The following PEX5L variants were observed in gnomAD, a reference collection of about 807,000 sequenced individuals.
The protein encoded by PEX5L is peroxisomal biogenesis factor 5 like, also known as PEX5-related protein.
A neutral mutation model predicts 84.0 loss-of-function variants in PEX5L; 30 were observed. That is an observed-to-expected ratio of 0.36 (90% CI 0.27 to 0.48). The LOEUF (loss-of-function observed/expected upper bound fraction) is 0.48. PEX5L is among the 20% of genes least tolerant of loss of function. The probability of loss-of-function intolerance (pLI) is 0.99; values close to 1 mark genes in which losing one functional copy is unlikely to be tolerated. For missense variants in PEX5L, 533 were observed against 754.6 expected, an observed-to-expected ratio of 0.71 and a Z score of 3.44; for synonymous variants, 270 against 283.1, an observed-to-expected ratio of 0.95 and a Z score of 0.46.
At chr3:179,893,157 AC>A (rs1404271857) in intron 3 of PEX5L, among the ~76,000 whole-genome samples, 1 of 152,168 alleles carries the variant, frequency 6.6e-6, no homozygotes, top group Non-Finnish European at 1.5e-5. Context: ...ATTATGACTT[AC>A]TCAGACTGGC....
intron 2 of PEX5L, among the ~76,000 whole-genome samples, chr3:179,903,166 A>G (rs1157469501): frequency 1.3e-5 from 2 of 152,180 alleles, no homozygotes; most frequent in African/African-American, 4.8e-5. Context: ...TATATTGAAT[A>G]TATTTCTTTA....
At position 179,918,807 on chromosome 3, in the gene PEX5L, T is replaced by C. The variant is rs148900631; in HGVS notation, c.94-20561A>G. ...ATCTTGGGCAAGACAGCAAATACCA[T>C]GAATTTTCAATGGTATAAGTGCTAT... On this transcript the variant is annotated intron_variant, in intron 2 of 14. Transcript: ENST00000467460. Among the ~76,000 whole-genome samples the C allele has an allele frequency of 1.5e-3, 230 of 152,314 alleles. 1 individual carries two copies. The highest frequency in any genetic ancestry group is 5.4e-3 in the African/African-American group (223 of 41,570).
chr3:179,913,875 A>G (rs888714765), intron 2 of PEX5L, among the ~76,000 whole-genome samples: 4 of 152,140 alleles, frequency 2.6e-5, no homozygotes, highest in Non-Finnish European at 5.9e-5. Context: ...GAGTCTGTGA[A>G]TGTTAATTAT....
At chr3:180,032,519 T>C (rs1174612968) in intron 1 of PEX5L, among the ~76,000 whole-genome samples, 1 of 152,160 alleles carries the variant, frequency 6.6e-6, no homozygotes, top group Non-Finnish European at 1.5e-5. Flanking sequence ...TTGCTAGCAG[T>C]TAATGCCTTA....
intron 2 of PEX5L, among the ~76,000 whole-genome samples, chr3:179,959,975 TAG>T (rs535760638): frequency 7.5e-4 from 114 of 152,378 alleles, no homozygotes; most frequent in African/African-American, 2.6e-3. Flanking sequence ...CTCCAAGTAA[TAG>T]AGTCTCAGAT....
intron 2 of PEX5L, among the ~76,000 whole-genome samples, chr3:179,940,703 AC>A (rs1288649132): frequency 2.0e-5 from 3 of 152,230 alleles, no homozygotes; most frequent in Non-Finnish European, 4.4e-5. Flanking sequence ...TTAGAGCAAG[AC>A]GTAACTCCTT....
At chr3:179,938,707 G>A (rs4146789) in intron 2 of PEX5L, among the ~76,000 whole-genome samples, 49,714 of 152,116 alleles carry the variant, frequency 0.33, 8,297 homozygotes, top group African/African-American at 0.34. Context: ...GTGAATGTTG[G>A]CTATAACCTG....
chr3:179,807,511 G>T (rs375847178), intron 14 of PEX5L, among the ~76,000 whole-genome samples, 163 bp downstream of exon 14: 3 of 152,214 alleles, frequency 2.0e-5, no homozygotes, highest in African/African-American at 7.2e-5. Flanking sequence ...CAGGGTTCCT[G>T]CTCAAACAGG....
intron 7 of PEX5L, among the ~76,000 whole-genome samples, chr3:179,865,505 T>C (rs1349944467): frequency 6.6e-6 from 1 of 151,772 alleles, no homozygotes; most frequent in East Asian, 1.9e-4. Context: ...TTCCTTTCAA[T>C]GCAAACTTTT....
At chr3:180,011,324 G>A (rs553296083) in intron 1 of PEX5L, among the ~76,000 whole-genome samples, 18 of 152,242 alleles carry the variant, frequency 1.2e-4, no homozygotes, top group African/African-American at 4.3e-4. Flanking sequence ...AGTAAACGAC[G>A]ATTTAGCTAT....
intron 2 of PEX5L, among the ~76,000 whole-genome samples, chr3:179,901,710 G>A (rs1200952364): frequency 6.6e-6 from 1 of 152,144 alleles, no homozygotes; most frequent in African/African-American, 2.4e-5. Flanking sequence ...AAAATTATTT[G>A]ATATTTTTAT....
At chr3:179,874,733 T>G (rs200496053) in intron 6 of PEX5L, among the ~76,000 whole-genome samples, 42 of 51,534 alleles carry the variant, frequency 8.1e-4, no homozygotes, top group South Asian at 2.4e-3. Flanking sequence ...ATGGTTTTTT[T>G]TTTTGTTTTT....
intron 1 of PEX5L, among the ~76,000 whole-genome samples, chr3:180,021,028 C>G (rs1790377522): frequency 6.6e-6 from 1 of 152,172 alleles, no homozygotes; most frequent in East Asian, 1.9e-4. Context: ...GTAAGGGGAG[C>G]TGAGACAGAG....
intron 4 of PEX5L, among the ~76,000 whole-genome samples, chr3:179,885,365 G>C (rs533625243): frequency 1.3e-5 from 2 of 152,224 alleles, no homozygotes; most frequent in Non-Finnish European, 2.9e-5. Context: ...GGGAAATTTG[G>C]GCCAGGCGCG....
chr3:179,960,771 G>A (rs1040406376), intron 2 of PEX5L, among the ~76,000 whole-genome samples: 14 of 152,116 alleles, frequency 9.2e-5, no homozygotes, highest in Non-Finnish European at 1.5e-4. Flanking sequence ...TTTGATTAAT[G>A]AAATCCATCA....
chr3:179,879,799 T>C (rs1167656096), intron 5 of PEX5L, 130 bp downstream of exon 5: 7 of 591,970 alleles, frequency 1.2e-5, no homozygotes, highest in Non-Finnish European at 2.0e-5. Flanking sequence ...CTATGTCCTG[T>C]CCAGTTTCCA....
intron 2 of PEX5L, among the ~76,000 whole-genome samples, chr3:179,946,448 A>G (rs1777567695): frequency 6.6e-6 from 1 of 152,220 alleles, no homozygotes; most frequent in African/African-American, 2.4e-5. Flanking sequence ...CCTTGTTTAC[A>G]GGTCAAACAC....
intron 2 of PEX5L, among the ~76,000 whole-genome samples, chr3:179,960,823 T>C (rs1028144272): frequency 1.3e-5 from 2 of 152,170 alleles, no homozygotes; most frequent in African/African-American, 4.8e-5. Context: ...ACTACTCCAA[T>C]AGTTCATAAA....
chr3:179,920,586 G>T (rs922834304), intron 2 of PEX5L, among the ~76,000 whole-genome samples: 1 of 152,084 alleles, frequency 6.6e-6, no homozygotes, highest in Non-Finnish European at 1.5e-5. Flanking sequence ...CAAAATAAAG[G>T]TATTATCCTG....
Sources: gnomAD v4.1 joint callset for allele counts (sites outside exome capture counted in the v4.1 genomes callset) on GRCh38, gnomAD v4.1.1 for gene constraint, MANE v1.5 for transcripts, NCBI Gene and HGNC (gene_info 2026-07-23, HGNC 2026-07-21) for gene names.